The following GRIN2B variants were observed in gnomAD, a reference collection of about 807,000 sequenced individuals.
GRIN2B encodes glutamate ionotropic receptor NMDA type subunit 2B, also known as glutamate receptor ionotropic, NMDA 2B.
Under a neutral mutation model 114.5 loss-of-function variants are expected in GRIN2B, and 5 were observed. The observed-to-expected ratio is 0.04, with a 90% CI of 0.02 to 0.09. The LOEUF (loss-of-function observed/expected upper bound fraction) is 0.09. Ranked by LOEUF, GRIN2B falls within the 10% of genes least tolerant of loss-of-function variation. GRIN2B has a pLI of 1.00. For synonymous variants in GRIN2B, 787 were observed against 745.1 expected, an observed-to-expected ratio of 1.06 and a Z score of -0.92; for missense variants, 1,108 against 1,943.5, an observed-to-expected ratio of 0.57 and a Z score of 8.08.
intron 5 of GRIN2B, among the ~76,000 whole-genome samples, chr12:13,672,027 T>C (rs191597199): frequency 6.6e-4 from 100 of 152,210 alleles, no homozygotes; most frequent in African/African-American, 2.3e-3. Flanking sequence ...TGGAGAAATA[T>C]TTACTTAAAT....
chr12:13,968,276 A>C (rs984342422), intron 2 of GRIN2B, among the ~76,000 whole-genome samples: 2 of 152,258 alleles, frequency 1.3e-5, no homozygotes, highest in African/African-American at 4.8e-5. Flanking sequence ...TATTTGGAGC[A>C]GGATGCAGTT....
At chr12:13,899,419 C>G (rs572799865) in intron 2 of GRIN2B, among the ~76,000 whole-genome samples, 1 of 145,060 alleles carries the variant, frequency 6.9e-6, no homozygotes, top group South Asian at 2.2e-4. Flanking sequence ...AGTGTTTAAT[C>G]GTAGGGCAAT....
At chr12:13,842,544 C>T (rs963560347) in intron 3 of GRIN2B, among the ~76,000 whole-genome samples, 1 of 152,204 alleles carries the variant, frequency 6.6e-6, no homozygotes, top group African/African-American at 2.4e-5. Context: ...GCATGTTCAT[C>T]TATTTCTCCA....
chr12:13,846,451 G>T (rs1301968987), intron 3 of GRIN2B, among the ~76,000 whole-genome samples: 1 of 152,044 alleles, frequency 6.6e-6, no homozygotes, highest in Admixed American at 6.6e-5. Flanking sequence ...TTTCGCAGTT[G>T]CTTTGACAAA....
chr12:13,627,211 G>A (rs1949577220), intron 5 of GRIN2B, among the ~76,000 whole-genome samples: 1 of 152,180 alleles, frequency 6.6e-6, no homozygotes, highest in Non-Finnish European at 1.5e-5. Context: ...CAGCATCAGA[G>A]TCCCGGTTTA....
chr12:13,689,488 T>G (rs999643017), intron 4 of GRIN2B, among the ~76,000 whole-genome samples: 5 of 152,150 alleles, frequency 3.3e-5, no homozygotes, highest in African/African-American at 1.2e-4. Flanking sequence ...ACAAAATGAT[T>G]CTTACATTTG....
chr12:13,980,496 A>C (rs1297551097), intron 1 of GRIN2B, 140 bp from the exon 2 acceptor site: 1 of 152,236 alleles, frequency 6.6e-6, no homozygotes, highest in East Asian at 1.9e-4. Flanking sequence ...TGCACACGAG[A>C]GGAATTGAAA....
chr12:13,966,054 G>T (rs1366784645), intron 2 of GRIN2B, among the ~76,000 whole-genome samples: 2 of 152,194 alleles, frequency 1.3e-5, no homozygotes, highest in Non-Finnish European at 2.9e-5. Context: ...ATTCAGAAAA[G>T]CTGGGCTTGA....
chr12:13,930,803 G>A (rs1025303641), intron 2 of GRIN2B, among the ~76,000 whole-genome samples: 1 of 151,996 alleles, frequency 6.6e-6, no homozygotes, highest in African/African-American at 2.4e-5. Flanking sequence ...CAACCACCAG[G>A]TCCAGCACTT....
chr12:13,931,037 T>C (rs1867020351), intron 2 of GRIN2B, among the ~76,000 whole-genome samples: 1 of 152,234 alleles, frequency 6.6e-6, no homozygotes, highest in Admixed American at 6.5e-5. Context: ...TGGTATGTTC[T>C]ACGTGGGACA....
At chr12:13,914,610 T>C (rs957527149) in intron 2 of GRIN2B, among the ~76,000 whole-genome samples, 3 of 152,198 alleles carry the variant, frequency 2.0e-5, no homozygotes, top group African/African-American at 7.2e-5. Flanking sequence ...ATCAAAGAGA[T>C]GTCTGCACTC....
chr12:13,676,350 A>T (rs1007434996), intron 4 of GRIN2B, among the ~76,000 whole-genome samples: 15 of 152,164 alleles, frequency 9.9e-5, no homozygotes, highest in African/African-American at 3.6e-4. Context: ...ACTTAAAATT[A>T]AAAATAAAAA....
At chr12:13,572,250 A>G (rs1948717498) in intron 10 of GRIN2B, among the ~76,000 whole-genome samples, 1 of 152,172 alleles carries the variant, frequency 6.6e-6, no homozygotes, top group Non-Finnish European at 1.5e-5. Context: ...CCTTTTATGT[A>G]CACTACACAA....
At chr12:13,588,705 G>C (rs1418571932) in intron 10 of GRIN2B, among the ~76,000 whole-genome samples, 1 of 152,134 alleles carries the variant, frequency 6.6e-6, no homozygotes, top group African/African-American at 2.4e-5. Context: ...ATGCAGTGCT[G>C]CTTTTTTAAA....
chr12:13,547,649 C>T lies in GRIN2B; in HGVS notation c.*15134G>A, dbSNP rs1477592949. ...GTTTTGTTCTTGGTCTTAGTTGTCT[C>T]CCTAGGAGAAGCAGCTCTTTTCCAT... On this transcript the variant is annotated 3_prime_UTR_variant, in exon 14 of 14. Transcript: ENST00000609686. The T allele has an allele frequency of 1.3e-5, 2 of 152,166 alleles. No homozygotes were observed. The highest frequency in any genetic ancestry group is 2.9e-5 in the Non-Finnish European group (2 of 68,002). The allele number at this position is 152,166 out of a possible 1,614,324, so 9.4% of individuals were successfully genotyped here. A position where few individuals can be genotyped will look rare whatever the true frequency, so the allele number is the denominator to read the frequency against.
chr12:13,696,634 TG>T (rs771993106), intron 4 of GRIN2B, among the ~76,000 whole-genome samples: 75 of 152,210 alleles, frequency 4.9e-4, no homozygotes, highest in Non-Finnish European at 7.8e-4. Flanking sequence ...CACACCAATT[TG>T]ATACTTCAAT....
intron 4 of GRIN2B, among the ~76,000 whole-genome samples, chr12:13,702,506 T>A (rs972839429): frequency 1.3e-5 from 2 of 152,188 alleles, no homozygotes; most frequent in South Asian, 4.1e-4. Flanking sequence ...GGATTGAAAC[T>A]GTGATAAGCG....
intron 2 of GRIN2B, among the ~76,000 whole-genome samples, chr12:13,917,129 C>G (rs1237479091): frequency 6.6e-6 from 1 of 152,142 alleles, no homozygotes; most frequent in Non-Finnish European, 1.5e-5. Flanking sequence ...CCAGTCCTTC[C>G]TGGCTCCCTT....
chr12:13,660,063 C>T (rs188483502), intron 5 of GRIN2B, among the ~76,000 whole-genome samples: 42 of 152,280 alleles, frequency 2.8e-4, no homozygotes, highest in African/African-American at 8.9e-4. Context: ...CAGGGTTGCT[C>T]ACAGCGAGGT....
Sources: allele counts gnomAD v4.1 joint callset (sites outside exome capture counted in the v4.1 genomes callset), GRCh38; gene constraint gnomAD v4.1.1; transcripts MANE v1.5; gene names NCBI Gene and HGNC (gene_info 2026-07-23, HGNC 2026-07-21).